The following PPP1CC variants were observed in gnomAD, a reference collection of about 807,000 sequenced individuals.
The protein encoded by PPP1CC is serine/threonine-protein phosphatase PP1-gamma catalytic subunit.
PPP1CC carries 16 observed loss-of-function variants against 38.4 expected under a neutral mutation model. The observed-to-expected ratio is 0.42, with a 90% CI of 0.28 to 0.63. PPP1CC has a LOEUF of 0.63. Ranked by LOEUF, PPP1CC falls within the 30% of genes least tolerant of loss-of-function variation. PPP1CC has a pLI of 0.25. For synonymous variants in PPP1CC, 158 were observed against 136.0 expected (o/e 1.16, Z -1.13); for missense variants, 170 against 391.3 (o/e 0.43, Z 4.77).
At chr12:110,710,095 G>A in the PPP1CC span, among the ~76,000 whole-genome samples, 1 of 151,624 alleles carries the variant, frequency 6.6e-6, no homozygotes, top group African/African-American at 2.4e-5. Flanking sequence ...AGAAGATAGA[G>A]CTGAGGACAT....
chr12:110,742,723 G>T lies in PPP1CC; in HGVS notation c.-16C>A, dbSNP rs1467512953. The T allele has an allele frequency of 2.1e-6, 3 of 1,416,386 alleles. No individual in the cohort carries two copies. The highest frequency in any genetic ancestry group is 2.9e-5 in the African/African-American group (2 of 67,886). The allele number at this position is 1,416,386 out of a possible 1,614,324, so 87.7% of individuals were successfully genotyped here. ...AATCCGCCATCGCCTTCCCACCGCCGACCCTCCCGCAGCGGCGCCGCCGCC... is the reference window on the plus strand; with the variant it reads ...AATCCGCCATCGCCTTCCCACCGCCTACCCTCCCGCAGCGGCGCCGCCGCC... On this transcript the variant is annotated 5_prime_UTR_variant, in exon 1 of 7. Transcript: ENST00000335007.
Position 110,733,755 on chromosome 12 carries a change from A to G in PPP1CC, c.56-1854T>C, listed in dbSNP as rs910814501. 2.0e-5 allele frequency among the ~76,000 whole-genome samples: 3 copies of G among 152,220 alleles called. No individual in the cohort carries two copies. The East Asian group carries it at 5.8e-4, about 29-fold the overall frequency. Reference sequence around the variant, plus strand: ...CTGGCCCCCCAAGTGCCGGGATTACAGGCATGAGCCACTGCACCTGGCCTT... The same window carrying G: ...CTGGCCCCCCAAGTGCCGGGATTACGGGCATGAGCCACTGCACCTGGCCTT... On this transcript the variant is annotated intron_variant, in intron 1 of 6. Coordinates refer to ENST00000335007, the MANE Select transcript of PPP1CC (RefSeq NM_002710.4).
the PPP1CC span, among the ~76,000 whole-genome samples, chr12:110,708,664 C>T: frequency 5.9e-4 from 90 of 151,998 alleles, no homozygotes; most frequent in African/African-American, 2.1e-3. Context: ...GCTTGGCCAA[C>T]ATGGTGAAAC....
At position 110,742,866 on chromosome 12, in the gene PPP1CC, T is replaced by C. The variant is rs1429715912; in HGVS notation, c.-159A>G. On this transcript the variant is annotated 5_prime_UTR_variant, in exon 1 of 7. Coordinates refer to ENST00000335007, the MANE Select transcript of PPP1CC (RefSeq NM_002710.4). ...GCCACCCCGCTCCCTACTTCCTCCT[T>C]CTCTCCCCACTGGAACCACGAGAAG... The C allele has an allele frequency of 4.4e-6, 2 of 452,928 alleles. No homozygotes were observed. The highest frequency in any genetic ancestry group is 3.6e-5 in the East Asian group (1 of 27,994). 28.1% of individuals were successfully genotyped at this position (452,928 alleles called of 1,614,324 possible).
intron 6 of PPP1CC, 96 bp from the exon 7 acceptor site, chr12:110,721,261 T>C (rs1278913563): frequency 9.9e-7 from 1 of 1,009,178 alleles, no homozygotes; most frequent in Non-Finnish European, 1.5e-6. Flanking sequence ...CAGATGGTGT[T>C]CACAACTGCC....
intron 1 of PPP1CC, among the ~76,000 whole-genome samples, chr12:110,739,364 G>GC (rs1566089189): frequency 3.5e-5 from 5 of 141,886 alleles, no homozygotes; most frequent in Non-Finnish European, 3.1e-5. Flanking sequence ...GATTACTTTT[G>GC]TTTTTTTTTT....
At chr12:110,708,666 T>C in the PPP1CC span, among the ~76,000 whole-genome samples, 3 of 151,884 alleles carry the variant, frequency 2.0e-5, no homozygotes, top group South Asian at 6.2e-4. Context: ...TTGGCCAACA[T>C]GGTGAAACCC....
chr12:110,724,817 G>A lies in PPP1CC; in HGVS notation c.419-53C>T, dbSNP rs1161467794. The A allele has an allele frequency of 2.4e-5, 26 of 1,089,054 alleles. 1 individual carries two copies. In the East Asian group the frequency reaches 5.9e-4, roughly 25 times the overall value. 67.5% of individuals were successfully genotyped at this position (1,089,054 alleles called of 1,614,324 possible). On this transcript the variant is annotated intron_variant, in intron 3 of 6. Transcript: ENST00000335007. ...AAAAAGAGAGTATTACTGTTCCGTA[G>A]GCTCATTCTCTCAGGATTAACTTCC...
In PPP1CC at chr12:110,742,748, CG is replaced by C; in HGVS notation, c.-42del. On this transcript the variant is annotated 5_prime_UTR_variant, in exon 1 of 7. Transcript: ENST00000335007. ...GACCCTCCCGCAGCGGCGCCGCCGC[CG>C]GCTCGCGCCCGGGACTCACACCTCC... The C allele has an allele frequency of 7.3e-7, 1 of 1,368,570 alleles. No homozygotes were observed. The highest frequency in any genetic ancestry group is 9.5e-7 in the Non-Finnish European group (1 of 1,048,720). 84.8% of individuals were successfully genotyped at this position (1,368,570 alleles called of 1,614,324 possible).
Position 110,742,700 on chromosome 12 carries a change from T to C in PPP1CC, c.8A>G (p.Asp3Gly). 6.9e-7 allele frequency: 1 copy of C among 1,455,550 alleles called. No homozygotes were observed. 90.2% of individuals were successfully genotyped at this position (1,455,550 alleles called of 1,614,324 possible). The change falls in exon 1 of 7, where the codon GAT becomes GGT. Residue 3 changes from aspartate (D) to glycine (G), a missense_variant. Transcript: ENST00000335007. ...GCTGTCGATGTTGAGTTTATCTAAA[T>C]CCGCCATCGCCTTCCCACCGCCGAC... MA[D>G]LDKLNIDSII...
At chr12:110,709,930 CAAAATAATAATA>C in the PPP1CC span, among the ~76,000 whole-genome samples, 8 of 104,500 alleles carry the variant, frequency 7.7e-5, no homozygotes, top group Non-Finnish European at 1.1e-4. Flanking sequence ...CAAAAAACTC[CAAAATAATAATA>C]ATAATAATAA....
At chr12:110,731,440 T>C (rs2069871028) in intron 2 of PPP1CC, among the ~76,000 whole-genome samples, 1 of 152,210 alleles carries the variant, frequency 6.6e-6, no homozygotes, top group South Asian at 2.1e-4. Flanking sequence ...TTTTTAGCTA[T>C]AACCAGTGTT....
At chr12:110,708,935 C>A in the PPP1CC span, among the ~76,000 whole-genome samples, 2 of 151,936 alleles carry the variant, frequency 1.3e-5, no homozygotes, top group African/African-American at 4.8e-5. Flanking sequence ...CTGCCCCAGT[C>A]TACCAGCAGA....
chr12:110,737,680 C>T (rs780373918), intron 1 of PPP1CC, among the ~76,000 whole-genome samples: 27 of 148,464 alleles, frequency 1.8e-4, no homozygotes, highest in South Asian at 8.6e-4. Flanking sequence ...AGCTGTGGTT[C>T]ACGCTTGTAA....
chr12:110,712,049 T>C, the PPP1CC span, among the ~76,000 whole-genome samples: 1 of 152,132 alleles, frequency 6.6e-6, no homozygotes, highest in African/African-American at 2.4e-5. Flanking sequence ...TACCATATTT[T>C]TACTGTAGCT....
Position 110,730,743 on chromosome 12 carries a change from T to C in PPP1CC, c.204A>G (p.Gln68=). The C allele has an allele frequency of 6.2e-7, 1 of 1,612,198 alleles. No homozygotes were observed. Among genetic ancestry groups the C allele is most frequent in the Non-Finnish European group, 8.5e-7 (1 of 1,179,370 alleles). Residue 68 remains glutamine (Q), a synonymous_variant, in exon 3 of 7, where the codon CAA becomes CAG. Coordinates refer to ENST00000335007, the MANE Select transcript of PPP1CC (RefSeq NM_002710.4). ...CAAAAAGTCGCAGCAAATCATAGTA[T>C]TGTCCATGGATGTCACCTGGAAGCA... ...PLKICGDIHG[Q]YYDLLRLFEY...
the PPP1CC span, among the ~76,000 whole-genome samples, chr12:110,709,395 AT>A: frequency 6.7e-6 from 1 of 149,902 alleles, no homozygotes; most frequent in African/African-American, 2.5e-5. Flanking sequence ...TGCCTGACTA[AT>A]TTTTTGTATT....
At position 110,720,880 on chromosome 12, in the gene PPP1CC, T is replaced by A; in HGVS notation, c.*196A>T. ...AACAGAGAATTAAAAAACAAAACAC[T>A]TTTCTTTTTGGAGTGAAGAGTCTTT... On this transcript the variant is annotated 3_prime_UTR_variant, in exon 7 of 7. Transcript: ENST00000335007. The A allele has an allele frequency of 2.1e-6, 1 of 483,386 alleles. No individual in the cohort carries two copies. Among genetic ancestry groups the A allele is most frequent in the Non-Finnish European group, 3.7e-6 (1 of 269,988 alleles). The allele number at this position is 483,386 out of a possible 1,614,324, so 29.9% of individuals were successfully genotyped here. A position where few individuals can be genotyped will look rare whatever the true frequency, so the allele number is the denominator to read the frequency against.
At chr12:110,730,857 T>C (rs905854334) in intron 2 of PPP1CC, 98 bp from the exon 3 acceptor site, 2 of 754,414 alleles carry the variant, frequency 2.7e-6, no homozygotes, top group Non-Finnish European at 4.3e-6. Flanking sequence ...CATTGTACAA[T>C]GGCATTGACC....
Sources: allele counts gnomAD v4.1 joint callset (sites outside exome capture counted in the v4.1 genomes callset), GRCh38; gene constraint gnomAD v4.1.1; transcripts MANE v1.5; gene names NCBI Gene and HGNC (gene_info 2026-07-23, HGNC 2026-07-21).